KIAA1217: variants seen among roughly 807,000 people sequenced by gnomAD.
The protein encoded by KIAA1217 is KIAA1217, also known as sickle tail protein homolog.
KIAA1217 carries 88 observed loss-of-function variants against 163.9 expected under a neutral mutation model. That is an observed-to-expected ratio of 0.54 (90% CI 0.45 to 0.64). KIAA1217 has a LOEUF of 0.64. KIAA1217 is among the 30% of genes least tolerant of loss of function. KIAA1217 has a pLI of 0.00. For synonymous variants in KIAA1217, 903 were observed against 923.1 expected (o/e 0.98, Z 0.39); for missense variants, 2,372 against 2,475.0 (o/e 0.96, Z 0.88).
intron 2 of KIAA1217, among the ~76,000 whole-genome samples, chr10:24,323,851 T>G (rs1204863052): frequency 2.7e-5 from 4 of 150,736 alleles, no homozygotes; most frequent in East Asian, 1.9e-4. Context: ...CTTAGGGTGG[T>G]TTTTTTTCGT....
chr10:24,163,271 T>G (rs928483952), intron 2 of KIAA1217, among the ~76,000 whole-genome samples: 10 of 152,230 alleles, frequency 6.6e-5, no homozygotes, highest in African/African-American at 2.4e-4. Flanking sequence ...AGTTCAATTC[T>G]GACAATCAAA....
At chr10:23,836,539 T>C (rs1247498878) in intron 1 of KIAA1217, among the ~76,000 whole-genome samples, 1 of 151,382 alleles carries the variant, frequency 6.6e-6, no homozygotes, top group Non-Finnish European at 1.5e-5. Flanking sequence ...TTTTACTTTG[T>C]ATAAATGTAA....
intron 2 of KIAA1217, among the ~76,000 whole-genome samples, chr10:24,137,139 T>C (rs1197755604): frequency 6.6e-6 from 1 of 152,238 alleles, no homozygotes; most frequent in East Asian, 1.9e-4. Context: ...CATTGGCAAC[T>C]ATTAATCCCT....
At chr10:23,727,245 C>T (rs1838213826) in intron 1 of KIAA1217, among the ~76,000 whole-genome samples, 1 of 151,924 alleles carries the variant, frequency 6.6e-6, no homozygotes, top group African/African-American at 2.4e-5. Context: ...CCCCTCTCGG[C>T]CTCCCAGGCA....
At chr10:24,031,292 G>A (rs919713150) in intron 2 of KIAA1217, among the ~76,000 whole-genome samples, 3 of 151,972 alleles carry the variant, frequency 2.0e-5, no homozygotes, top group Non-Finnish European at 4.4e-5. Context: ...GATTAGTGAC[G>A]CTGAGCATTC....
intron 13 of KIAA1217, among the ~76,000 whole-genome samples, chr10:24,525,453 G>A (rs2071989885): frequency 6.6e-6 from 1 of 152,204 alleles, no homozygotes; most frequent in Non-Finnish European, 1.5e-5. Flanking sequence ...AAACTGACTT[G>A]AGTGCTTGAA....
At chr10:23,702,104 G>A (rs1836492506) in intron 1 of KIAA1217, among the ~76,000 whole-genome samples, 1 of 152,080 alleles carries the variant, frequency 6.6e-6, no homozygotes, top group South Asian at 2.1e-4. Flanking sequence ...TCTGGAGCCA[G>A]GAAAAGTTAC....
In KIAA1217 at chr10:24,269,132, C is replaced by T. The variant is rs1178411577; in HGVS notation, c.354+49223C>T. Reference sequence around the variant, plus strand: ...CTAGATGACGAGTTAGTGGGTGCAGCGCACCAGCATGGCACATGTATACAT... The same window carrying T: ...CTAGATGACGAGTTAGTGGGTGCAGTGCACCAGCATGGCACATGTATACAT... On this transcript the variant is annotated intron_variant, in intron 2 of 20. Coordinates refer to ENST00000376454, the MANE Select transcript of KIAA1217 (RefSeq NM_019590.5). 9.1e-4 allele frequency among the ~76,000 whole-genome samples: 131 copies of T among 143,332 alleles called. No homozygotes were observed. The East Asian group carries it at 0.023, about 25-fold the overall frequency. The allele number at this position is 143,332 out of a possible 152,430, so 94.0% of individuals were successfully genotyped here.
intron 2 of KIAA1217, among the ~76,000 whole-genome samples, chr10:24,008,021 C>T (rs1847073770): frequency 6.6e-6 from 1 of 152,090 alleles, no homozygotes; most frequent in South Asian, 2.1e-4. Context: ...TTCATAAATC[C>T]ACCAGTTCAA....
In KIAA1217 at chr10:24,473,477, G is replaced by C. The variant is rs774456939; in HGVS notation, c.1096G>C (p.Ala366Pro). 6.2e-7 allele frequency: 1 copy of C among 1,613,998 alleles called. No individual in the cohort carries two copies. The highest frequency in any genetic ancestry group is 1.3e-5 in the African/African-American group (1 of 74,900). Residue 366 changes from alanine (A) to proline (P), a missense_variant, in exon 6 of 21, where the codon GCC becomes CCC. This residue lies in a region of KIAA1217 where 1,431 missense variants were observed against 1,470.3 expected (regional missense o/e 0.97). Transcript: ENST00000376454. ...CAGACCCATCTCTCCAAGCCCAAGCGCCATTTTAGAAAGAAGAGATGTCAA... is the reference window on the plus strand; with the variant it reads ...CAGACCCATCTCTCCAAGCCCAAGCCCCATTTTAGAAAGAAGAGATGTCAA... ...VSRPISPSPSAILERRDVKPD... is the reference protein window; with the variant it reads ...VSRPISPSPSPILERRDVKPD...
intron 2 of KIAA1217, among the ~76,000 whole-genome samples, chr10:24,168,259 G>GTA: frequency 6.6e-6 from 1 of 152,252 alleles, no homozygotes; most frequent in Non-Finnish European, 1.5e-5. Context: ...GGTCATAGAG[G>GTA]TATAGGTGTA....
chr10:23,837,311 AT>A (rs1838520861), intron 1 of KIAA1217, among the ~76,000 whole-genome samples: 1 of 152,036 alleles, frequency 6.6e-6, no homozygotes, highest in Admixed American at 6.6e-5. Context: ...TCATTCACAG[AT>A]TTTTGCACCT....
rs1282062760 is a variant in KIAA1217, at chr10:24,544,069, T to G, written c.4799T>G (p.Leu1600Trp). The change falls in exon 19 of 21, where the codon TTG becomes TGG. Residue 1600 changes from leucine (L) to tryptophan (W), a missense_variant. Transcript: ENST00000376454. ...GGAACTAAAACAGGGAAGAAGACTTTGCAAGTGGTAGTCTATGAAGAAGAG... is the reference window on the plus strand; with the variant it reads ...GGAACTAAAACAGGGAAGAAGACTTGGCAAGTGGTAGTCTATGAAGAAGAG... Reference protein sequence around the residue: ...RTGTKTGKKTLQVVVYEEEEE... With the variant: ...RTGTKTGKKTWQVVVYEEEEE... 6.2e-7 allele frequency: 1 copy of G among 1,614,096 alleles called. No individual in the cohort carries two copies. The highest frequency in any genetic ancestry group is 8.5e-7 in the Non-Finnish European group (1 of 1,180,022).
intron 1 of KIAA1217, among the ~76,000 whole-genome samples, chr10:23,910,645 A>C (rs1210846526): frequency 6.6e-6 from 1 of 152,222 alleles, no homozygotes; most frequent in Non-Finnish European, 1.5e-5. Context: ...AGTTGTGATG[A>C]ATGTCAAGGA....
chr10:24,204,945 T>G (rs535906903), upstream of KIAA1217, among the ~76,000 whole-genome samples: 82 of 152,332 alleles, frequency 5.4e-4, 1 homozygote, highest in African/African-American at 1.9e-3. Flanking sequence ...CTTCTTTGTT[T>G]TTCACTTTGT....
At chr10:23,854,469 G>T (rs760337440) in intron 1 of KIAA1217, among the ~76,000 whole-genome samples, 9 of 152,096 alleles carry the variant, frequency 5.9e-5, no homozygotes, top group Non-Finnish European at 1.2e-4. Flanking sequence ...GTGGTGTGGT[G>T]CTGAAAAAAA....
chr10:24,078,292 G>A (rs542769839), intron 2 of KIAA1217, among the ~76,000 whole-genome samples: 13 of 152,270 alleles, frequency 8.5e-5, no homozygotes, highest in African/African-American at 2.9e-4. Context: ...AGGACTGGCC[G>A]CAAGTGCAGA....
chr10:23,752,005 G>A (rs980527212), intron 1 of KIAA1217, among the ~76,000 whole-genome samples: 17 of 152,158 alleles, frequency 1.1e-4, no homozygotes, highest in African/African-American at 4.1e-4. Flanking sequence ...ACTTTTGAGG[G>A]CAGATGCTGT....
At chr10:24,261,660 C>T (rs1404078718) in intron 2 of KIAA1217, among the ~76,000 whole-genome samples, 1 of 152,060 alleles carries the variant, frequency 6.6e-6, no homozygotes, top group African/African-American at 2.4e-5. Context: ...GTGGAACCCT[C>T]CATGGGGGCA....
Sources: gnomAD v4.1 joint callset for allele counts (sites outside exome capture counted in the v4.1 genomes callset) on GRCh38, gnomAD v4.1.1 for gene constraint, gnomAD v4.1.1 regional missense constraint, MANE v1.5 for transcripts, NCBI Gene and HGNC (gene_info 2026-07-23, HGNC 2026-07-21) for gene names.